RAB38: variants seen among roughly 807,000 people sequenced by gnomAD.
The protein encoded by RAB38 is ras-related protein Rab-38.
RAB38 carries 15 observed loss-of-function variants against 18.4 expected under a neutral mutation model. The observed-to-expected ratio is 0.82, with a 90% CI of 0.55 to 1.26. The LOEUF is 1.26. RAB38 is among the 50% of genes most tolerant of loss of function. RAB38 has a pLI of 0.00. For missense variants in RAB38, 294 were observed against 267.4 expected, an observed-to-expected ratio of 1.10 and a Z score of -0.69; for synonymous variants, 101 against 104.4, an observed-to-expected ratio of 0.97 and a Z score of 0.20.
the RAB38 span, among the ~76,000 whole-genome samples, chr11:88,054,632 C>T: frequency 6.6e-6 from 1 of 152,278 alleles, no homozygotes; most frequent in Admixed American, 6.5e-5. Flanking sequence ...CTAGATATTC[C>T]AGTGTGATAA....
the RAB38 span, among the ~76,000 whole-genome samples, chr11:88,084,750 T>G: frequency 5.9e-5 from 9 of 151,872 alleles, no homozygotes; most frequent in African/African-American, 1.9e-4. Flanking sequence ...TCAGTTATTT[T>G]GGGTTTGTCT....
At chr11:88,092,688 G>A in the RAB38 span, among the ~76,000 whole-genome samples, 2,038 of 151,500 alleles carry the variant, frequency 0.013, 19 homozygotes, top group Non-Finnish European at 0.019. Flanking sequence ...TTTAACTAGT[G>A]TATATATATA....
the RAB38 span, among the ~76,000 whole-genome samples, chr11:87,813,315 G>A: frequency 6.6e-6 from 1 of 152,288 alleles, no homozygotes; most frequent in South Asian, 2.1e-4. Context: ...AATACAGTGT[G>A]TTGATAAAGA....
chr11:88,167,609 G>A (rs1342393270), intron 1 of RAB38: 2 of 152,108 alleles, frequency 1.3e-5, no homozygotes, highest in Non-Finnish European at 2.9e-5. Flanking sequence ...AGGTAGAAAA[G>A]ACAAAATTTA....
the RAB38 span, among the ~76,000 whole-genome samples, chr11:87,877,599 A>G: frequency 1.3e-5 from 2 of 151,496 alleles, no homozygotes; most frequent in Admixed American, 1.3e-4. Context: ...ATTCATATTC[A>G]ACCTCCACCA....
chr11:88,030,279 G>A, the RAB38 span, among the ~76,000 whole-genome samples: 15,969 of 152,084 alleles, frequency 0.11, 1,632 homozygotes, highest in East Asian at 0.33. Flanking sequence ...GAAAGCAGGA[G>A]AGATCTAAAA....
chr11:88,147,076 C>T (rs1418617284), intron 2 of RAB38, among the ~76,000 whole-genome samples: 1 of 152,106 alleles, frequency 6.6e-6, no homozygotes, highest in African/African-American at 2.4e-5. Context: ...GTCTTTTGAC[C>T]CACGGGTAAT....
the RAB38 span, among the ~76,000 whole-genome samples, chr11:87,950,115 T>G: frequency 2.0e-4 from 31 of 152,218 alleles, no homozygotes; most frequent in Non-Finnish European, 4.3e-4. Context: ...TACCTCTTCT[T>G]GTTGAATTGA....
chr11:87,832,771 A>G, the RAB38 span, among the ~76,000 whole-genome samples: 74 of 137,902 alleles, frequency 5.4e-4, no homozygotes, highest in African/African-American at 1.8e-3. Flanking sequence ...ATCCACCTAG[A>G]TCACTCAGGT....
the RAB38 span, among the ~76,000 whole-genome samples, chr11:87,903,289 C>T: frequency 1.3e-5 from 2 of 151,492 alleles, no homozygotes; most frequent in African/African-American, 4.8e-5. Context: ...TAAATAAATA[C>T]AAATTTTTTT....
chr11:87,955,173 C>G, the RAB38 span, among the ~76,000 whole-genome samples: 1 of 105,140 alleles, frequency 9.5e-6, no homozygotes, highest in African/African-American at 3.3e-5. Context: ...ACACACTCTT[C>G]CACATTGGTG....
chr11:87,919,007 T>G, the RAB38 span, among the ~76,000 whole-genome samples: 2 of 152,070 alleles, frequency 1.3e-5, no homozygotes, highest in Admixed American at 6.6e-5. Context: ...ATTTACAGTT[T>G]AGGTCTTTAA....
the RAB38 span, among the ~76,000 whole-genome samples, chr11:87,885,897 C>A: frequency 6.6e-6 from 1 of 151,948 alleles, no homozygotes; most frequent in Non-Finnish European, 1.5e-5. Context: ...TTATAAACAT[C>A]TATTGAAGTA....
the RAB38 span, among the ~76,000 whole-genome samples, chr11:87,926,093 A>C: frequency 6.6e-6 from 1 of 151,404 alleles, no homozygotes; most frequent in African/African-American, 2.4e-5. Context: ...CCTATGCTTG[A>C]GTGTTAGCAC....
the RAB38 span, among the ~76,000 whole-genome samples, chr11:87,915,901 G>A: frequency 1.3e-3 from 193 of 152,196 alleles, no homozygotes; most frequent in African/African-American, 4.5e-3. Context: ...GATGTGGGAC[G>A]TGGAGTCAAA....
the RAB38 span, among the ~76,000 whole-genome samples, chr11:87,976,152 A>G: frequency 0.09 from 13,381 of 148,346 alleles, 843 homozygotes; most frequent in South Asian, 0.18. Context: ...ATATATACAT[A>G]TATATACCTT....
At chr11:87,937,852 G>C in the RAB38 span, among the ~76,000 whole-genome samples, 1 of 123,346 alleles carries the variant, frequency 8.1e-6, no homozygotes, top group Admixed American at 8.0e-5. Flanking sequence ...AGGTATGTTT[G>C]TAATTGCTCA....
intron 2 of RAB38, among the ~76,000 whole-genome samples, chr11:88,135,818 T>C (rs1189285357): frequency 6.6e-6 from 1 of 152,210 alleles, no homozygotes; most frequent in Non-Finnish European, 1.5e-5. Flanking sequence ...CAGAAACATA[T>C]AGTATCCTGG....
chr11:88,126,741 G>A (rs1371348261), intron 2 of RAB38, among the ~76,000 whole-genome samples: 1 of 152,022 alleles, frequency 6.6e-6, no homozygotes, highest in Admixed American at 6.6e-5. Context: ...TCCCAGCTCT[G>A]TGTATTGCCA....
Sources: gnomAD v4.1 joint callset for allele counts (sites outside exome capture counted in the v4.1 genomes callset) on GRCh38, gnomAD v4.1.1 for gene constraint, MANE v1.5 for transcripts, NCBI Gene and HGNC (gene_info 2026-07-23, HGNC 2026-07-21) for gene names.